Variants in PNPLA8 observed in about 807,000 individuals in gnomAD.
The protein encoded by PNPLA8 is calcium-independent phospholipase A2-gamma.
A neutral mutation model predicts 76.9 loss-of-function variants in PNPLA8; 39 were observed. That is an observed-to-expected ratio of 0.51 (90% CI 0.39 to 0.66). The LOEUF (loss-of-function observed/expected upper bound fraction) is 0.66, where lower values mean the gene tolerates loss of function less well. Among genes scored for constraint, PNPLA8 ranks in the 30% least tolerant of loss-of-function variants. The pLI is 0.00. For missense variants in PNPLA8, 887 were observed against 918.0 expected, an observed-to-expected ratio of 0.97 and a Z score of 0.44; for synonymous variants, 301 against 307.9, an observed-to-expected ratio of 0.98 and a Z score of 0.24.
intron 4 of PNPLA8, 34 bp downstream of exon 4, chr7:108,514,109 CA>C (rs1308396504): frequency 6.9e-7 from 1 of 1,459,216 alleles, no homozygotes; most frequent in Non-Finnish European, 9.4e-7. Flanking sequence ...ACTTCTATTC[CA>C]AGACAAAACT....
In PNPLA8 at chr7:108,514,679, A is replaced by C; in HGVS notation, c.813T>G (p.Ser271Arg). 1 of 1,614,048 alleles carries C rather than the reference A, an allele frequency of 6.2e-7. No individual in the cohort carries two copies. The highest frequency in any genetic ancestry group is 8.5e-7 in the Non-Finnish European group (1 of 1,179,920). ...GAAGAACATCAGGTATCGCAGAAGG[A>C]CTTGTAGGCTTGTCCACCGTATGTA... ...ESVHTVDKPT[S>R]PSAIPDVLQV... The change falls in exon 3 of 11, where the codon AGT (serine) becomes AGG (arginine). Residue 271 changes from serine to arginine, a missense_variant. Coordinates refer to ENST00000257694, the MANE Select transcript of PNPLA8 (RefSeq NM_001256007.3).
At chr7:108,481,497 C>T (rs1452135249) in intron 9 of PNPLA8, among the ~76,000 whole-genome samples, 1 of 152,134 alleles carries the variant, frequency 6.6e-6, no homozygotes, top group Non-Finnish European at 1.5e-5. Flanking sequence ...ATTTGCCATC[C>T]CTTTATCCTC....
intron 10 of PNPLA8, among the ~76,000 whole-genome samples, chr7:108,473,664 T>A (rs1015450031): frequency 2.6e-5 from 4 of 152,248 alleles, no homozygotes; most frequent in African/African-American, 9.6e-5. Context: ...GGTTTTCATG[T>A]ACTTATTAGT....
At chr7:108,503,012 G>A (rs936429378) in intron 4 of PNPLA8, among the ~76,000 whole-genome samples, 62 of 152,154 alleles carry the variant, frequency 4.1e-4, no homozygotes, top group Admixed American at 4.0e-3. Flanking sequence ...CTGATTCACA[G>A]TAACTACTAG....
At chr7:108,498,849 G>A (rs538937801) in intron 5 of PNPLA8, among the ~76,000 whole-genome samples, 16 of 152,148 alleles carry the variant, frequency 1.1e-4, no homozygotes, top group Non-Finnish European at 1.9e-4. Context: ...ACGATGAAAA[G>A]CTCTATTCCC....
rs185344805 is a variant in PNPLA8, at chr7:108,486,183, T to C, written c.1878+1576A>G. Among the ~76,000 whole-genome samples the C allele has an allele frequency of 3.9e-3, 592 of 152,188 alleles. 9 individuals carry two copies. The highest frequency in any genetic ancestry group is 0.014 in the African/African-American group (581 of 41,566). ...AGAATAAAGAGCAAATGAAATAACT[T>C]CTTTTGAAGTGTGGAAAACACAAGA... On this transcript the variant is annotated intron_variant, in intron 9 of 10. Coordinates refer to ENST00000257694, the MANE Select transcript of PNPLA8 (RefSeq NM_001256007.3).
chr7:108,509,674 T>C (rs1563974735), intron 4 of PNPLA8, among the ~76,000 whole-genome samples: 1 of 151,914 alleles, frequency 6.6e-6, no homozygotes, highest in Non-Finnish European at 1.5e-5. Context: ...ATTCCATTAC[T>C]GGGTATATAC....
In PNPLA8 at chr7:108,514,303, C is replaced by T; in HGVS notation, c.1057-10G>A. 1 of 1,599,890 alleles carries T rather than the reference C, an allele frequency of 6.3e-7. No homozygotes were observed. The highest frequency in any genetic ancestry group is 1.7e-5 in the Admixed American group (1 of 58,232). On this transcript the variant is annotated splice_polypyrimidine_tract_variant and intron_variant, in intron 3 of 10. Transcript: ENST00000257694. ...TCACCCTTGCGATAATCTACAAAGACATATTAAATAGATATGATTAGAATA... is the reference window on the plus strand; with the variant it reads ...TCACCCTTGCGATAATCTACAAAGATATATTAAATAGATATGATTAGAATA...
At chr7:108,516,566 C>T (rs1182614046) in intron 2 of PNPLA8, among the ~76,000 whole-genome samples, 3 of 152,112 alleles carry the variant, frequency 2.0e-5, no homozygotes, top group African/African-American at 4.8e-5. Context: ...ATCAAATGCA[C>T]AATACACAAA....
Position 108,491,425 on chromosome 7 carries a change from G to T in PNPLA8, c.1668C>A (p.Asn556Lys), listed in dbSNP as rs1224497527. 6.2e-7 allele frequency: 1 copy of T among 1,603,670 alleles called. No individual in the cohort carries two copies. Residue 556 changes from asparagine (N) to lysine (K), a missense_variant, in exon 8 of 11, where the codon AAC (asparagine) becomes AAA (lysine). Coordinates refer to ENST00000257694, the MANE Select transcript of PNPLA8 (RefSeq NM_001256007.3). ...CTAAGCTTACCTTAGGACATGTGGG[G>T]TTTCTTGCTGTTTCAATCATCAGTG... ...GSALMIETARNPTCPKVAAVS... is the reference protein window; with the variant it reads ...GSALMIETARKPTCPKVAAVS...
In PNPLA8 at chr7:108,514,287, C is replaced by T. The variant is rs1563981295; in HGVS notation, c.1063G>A (p.Ala355Thr). The change falls in exon 4 of 11, where the codon GCA (alanine) becomes ACA (threonine). Residue 355 changes from alanine to threonine, a missense_variant. Coordinates refer to ENST00000257694, the MANE Select transcript of PNPLA8 (RefSeq NM_001256007.3). ...GTCCTGTTATCAATACTCACCCTTG[C>T]GATAATCTACAAAGACATATTAAAT... ...RLSLQREKII[A>T]RVSIDNRTRA... 5.0e-6 allele frequency: 8 copies of T among 1,608,004 alleles called. No individual in the cohort carries two copies. The highest frequency in any genetic ancestry group is 2.2e-5 in the South Asian group (2 of 90,136).
chr7:108,494,796 A>C (rs915377969), intron 7 of PNPLA8, among the ~76,000 whole-genome samples: 1 of 152,218 alleles, frequency 6.6e-6, no homozygotes, highest in Non-Finnish European at 1.5e-5. Context: ...AGATTTGGCT[A>C]AATGAAGATG....
intron 2 of PNPLA8, among the ~76,000 whole-genome samples, chr7:108,516,794 C>T (rs548744958): frequency 3.3e-5 from 5 of 151,922 alleles, no homozygotes; most frequent in African/African-American, 1.2e-4. Flanking sequence ...CTCAGCTACT[C>T]GGGTGGCTGA....
Position 108,514,447 on chromosome 7 carries a change from G to T in PNPLA8, c.1045C>A (p.Gln349Lys), listed in dbSNP as rs750694215. 6.2e-7 allele frequency: 1 copy of T among 1,605,146 alleles called. No homozygotes were observed. Among genetic ancestry groups the T allele is most frequent in the South Asian group, 1.1e-5 (1 of 90,270 alleles). Residue 349 changes from glutamine to lysine, a missense_variant, in exon 3 of 11, where the codon CAG (glutamine) becomes AAG (lysine). Transcript: ENST00000257694. Reference protein sequence around the residue: ...NAEEKKRLSLQREKIIARVSI... With the variant: ...NAEEKKRLSLKREKIIARVSI... ...ACTGAACAACTTGCCTTTTCTCGCTGAAGAGATAAACGCTTTTTCTCCTCT... is the reference window on the plus strand; with the variant it reads ...ACTGAACAACTTGCCTTTTCTCGCTTAAGAGATAAACGCTTTTTCTCCTCT...
intron 4 of PNPLA8, chr7:108,511,033 C>G: frequency 5.5e-6 from 2 of 365,022 alleles, no homozygotes; most frequent in Non-Finnish European, 8.8e-6. Context: ...TACCTGCTCT[C>G]AAATTGGAAA....
chr7:108,506,366 AC>A (rs1468204225), intron 4 of PNPLA8, among the ~76,000 whole-genome samples: 2 of 151,548 alleles, frequency 1.3e-5, no homozygotes, highest in Non-Finnish European at 2.9e-5. Flanking sequence ...CAACAGAGCG[AC>A]ACTCAGTCTC....
At chr7:108,486,059 ACTAAT>A (rs1450775130) in intron 9 of PNPLA8, among the ~76,000 whole-genome samples, 1 of 152,104 alleles carries the variant, frequency 6.6e-6, no homozygotes, top group Non-Finnish European at 1.5e-5. Context: ...CAGAAATATC[ACTAAT>A]CTATCTGAAA....
intron 4 of PNPLA8, among the ~76,000 whole-genome samples, chr7:108,505,303 TATATA>T (rs1862264929): frequency 3.3e-4 from 1 of 3,042 alleles, no homozygotes; most frequent in African/African-American, 1.4e-3. Flanking sequence ...AGAAAATTTA[TATATA>T]TATATATATA....
In PNPLA8 at chr7:108,504,874, C is replaced by T. The variant is rs147350205; in HGVS notation, c.1207-2232G>A. Among the ~76,000 whole-genome samples, 1,165 of 151,996 alleles carry T rather than the reference C, an allele frequency of 7.7e-3. 13 individuals carry two copies. The highest frequency in any genetic ancestry group is 0.026 in the African/African-American group (1,083 of 41,452). On this transcript the variant is annotated intron_variant, in intron 4 of 10. Transcript: ENST00000257694. ...GGTGGATCACCTGAGGTTGGGAGTT[C>T]GAGACCAGCCTGACCAACATGGGGA...
Sources: gnomAD v4.1 joint callset for allele counts (sites outside exome capture counted in the v4.1 genomes callset) on GRCh38, gnomAD v4.1.1 for gene constraint, MANE v1.5 for transcripts, NCBI Gene and HGNC (gene_info 2026-07-23, HGNC 2026-07-21) for gene names.